PCDHGA12: variants seen among roughly 807,000 people sequenced by gnomAD.
PCDHGA12 encodes protocadherin gamma-A12.
PCDHGA12 carries 43 observed loss-of-function variants against 61.1 expected under a neutral mutation model. That is an observed-to-expected ratio of 0.70 (90% confidence interval 0.55 to 0.91). PCDHGA12 has a LOEUF of 0.91. Among genes scored for constraint, PCDHGA12 ranks in the 40% least tolerant of loss-of-function variants. PCDHGA12 has a pLI of 0.00. For missense variants in PCDHGA12, 1,236 were observed against 1,227.7 expected (o/e 1.01, Z -0.10); for synonymous variants, 520 against 542.9 (o/e 0.96, Z 0.59).
intron 1 of PCDHGA12, among the ~76,000 whole-genome samples, chr5:141,447,993 T>A (rs2098557542): frequency 6.6e-6 from 1 of 151,554 alleles, no homozygotes; most frequent in Non-Finnish European, 1.5e-5. Context: ...GGCTGAGGCA[T>A]GAGAATCGCT....
intron 1 of PCDHGA12, among the ~76,000 whole-genome samples, chr5:141,465,396 C>A (rs2099102528): frequency 6.6e-6 from 1 of 152,054 alleles, no homozygotes; most frequent in Admixed American, 6.6e-5. Context: ...AAAAACAAGT[C>A]AGAAGAAGCC....
At chr5:141,469,142 G>A (rs1473440049) in intron 1 of PCDHGA12, among the ~76,000 whole-genome samples, 3 of 152,024 alleles carry the variant, frequency 2.0e-5, no homozygotes, top group East Asian at 1.9e-4. Flanking sequence ...CAGAAATGGT[G>A]GCACATGTCT....
chr5:141,474,289 T>C (rs11956411), intron 1 of PCDHGA12, among the ~76,000 whole-genome samples: 31,178 of 152,120 alleles, frequency 0.2, 3,304 homozygotes, highest in Admixed American at 0.31. Context: ...ACCCACTAGA[T>C]CAGTGCTTGT....
rs758139838 is a variant in PCDHGA12, at chr5:141,431,419, G to C, written c.660G>C (p.Pro220=). The C allele has an allele frequency of 1.5e-5, 25 of 1,613,700 alleles. No individual in the cohort carries two copies. The highest frequency in any genetic ancestry group is 2.0e-5 in the Non-Finnish European group (24 of 1,180,046). The change falls in exon 1 of 4, where the codon CCG becomes CCC. Residue 220 remains proline (P), a synonymous_variant. Coordinates refer to ENST00000252085, the MANE Select transcript of PCDHGA12 (RefSeq NM_003735.3). This position sits in a 1 kb window ranked among gnomAD's most constrained non-coding sequence, Gnocchi z 4.8. ...TTACGGCCTCCGACGGGGGCGACCC[G>C]GTGCGCACAGGCACCGCGCGCATCC... is the stretch of plus-strand genomic sequence containing the variant. ...LVLTASDGGD[P]VRTGTARIRV...
chr5:141,501,290 T>TACACAC lies in PCDHGA12; in HGVS notation c.2484-4064_2484-4059dup, dbSNP rs55762287. Among the ~76,000 whole-genome samples the TACACAC allele has an allele frequency of 5.7e-3, 774 of 136,224 alleles. 5 individuals are homozygous for TACACAC. The highest frequency in any genetic ancestry group is 9.9e-3 in the African/African-American group (361 of 36,504). The allele number at this position is 136,224 out of a possible 152,430, so 89.4% of individuals were successfully genotyped here. A position where few individuals can be genotyped will look rare whatever the true frequency, so the allele number is the denominator to read the frequency against. ...GTCCAGTCTATGGGATATTCCCTTA[T>TACACAC]ACACACACACACACACACACACACA... On this transcript the variant is annotated intron_variant, in intron 2 of 3. Transcript: ENST00000252085.
Position 141,490,732 on chromosome 5 carries a change from G to A in PCDHGA12, c.2425-4075G>A, listed in dbSNP as rs775388969. 6.2e-6 allele frequency: 10 copies of A among 1,614,188 alleles called. No homozygotes were observed. The highest frequency in any genetic ancestry group is 8.5e-6 in the Non-Finnish European group (10 of 1,180,042). ...CACCTACTCCATTGTAGGAAATCAG[G>A]TTCAGGGAGCCCCAGCCTCCTCCTT... On this transcript the variant is annotated intron_variant, in intron 1 of 3. Transcript: ENST00000252085. This position sits in a 1 kb window ranked among gnomAD's most constrained non-coding sequence, Gnocchi z 5.4.
At chr5:141,442,205 A>G (rs2098308049) in intron 1 of PCDHGA12, 1 of 153,214 alleles carries the variant, frequency 6.5e-6, no homozygotes, top group Admixed American at 6.5e-5. Context: ...ATATCTGGTG[A>G]TTGCCTTAGC....
At chr5:141,499,300 C>G (rs2154592463) in intron 2 of PCDHGA12, among the ~76,000 whole-genome samples, 1 of 152,292 alleles carries the variant, frequency 6.6e-6, no homozygotes, top group South Asian at 2.1e-4. Context: ...ACTACCATCC[C>G]TCCTCTGAGA....
Position 141,485,428 on chromosome 5 carries a change from C to T in PCDHGA12, c.2425-9379C>T, listed in dbSNP as rs2099613200. Reference sequence around the variant, plus strand: ...TGGATTTGGACAGCGGAGCCCTGCTCATCAAGAACCCAATCGACCGAGAGG... The same window carrying T: ...TGGATTTGGACAGCGGAGCCCTGCTTATCAAGAACCCAATCGACCGAGAGG... On this transcript the variant is annotated intron_variant, in intron 1 of 3. Transcript: ENST00000252085. The surrounding 1 kb of genome is among the most constrained non-coding windows in gnomAD (Gnocchi z 5.7). The T allele has an allele frequency of 2.5e-6, 4 of 1,614,160 alleles. No homozygotes were observed. The highest frequency in any genetic ancestry group is 3.4e-6 in the Non-Finnish European group (4 of 1,180,022).
At position 141,512,523 on chromosome 5, in the gene PCDHGA12, T is replaced by A. The variant is rs1222752176; in HGVS notation, c.*1350T>A. 6.5e-6 allele frequency: 1 copy of A among 152,848 alleles called. No homozygotes were observed. The highest frequency in any genetic ancestry group is 1.5e-5 in the Non-Finnish European group (1 of 68,240). 9.5% of individuals were successfully genotyped at this position (152,848 alleles called of 1,614,324 possible). A position where few individuals can be genotyped will look rare whatever the true frequency, so the allele number is the denominator to read the frequency against. The stretch of plus-strand genomic sequence containing the variant: ...AGTGCGCCCCCTAGTGGCCATAGCC[T>A]GGTTAAAGTTCCCCAGTGCCTCCTT... On this transcript the variant is annotated 3_prime_UTR_variant, in exon 4 of 4. Transcript: ENST00000252085.
At chr5:141,503,679 G>A (rs562303239) in intron 2 of PCDHGA12, among the ~76,000 whole-genome samples, 1 of 152,054 alleles carries the variant, frequency 6.6e-6, no homozygotes, top group East Asian at 1.9e-4. Context: ...CCACTTTTGG[G>A]AAGGAGAATT....
At chr5:141,492,241 C>T (rs1351937353) in intron 1 of PCDHGA12, among the ~76,000 whole-genome samples, 1 of 152,186 alleles carries the variant, frequency 6.6e-6, no homozygotes, top group African/African-American at 2.4e-5. Flanking sequence ...TGCTGGCCAC[C>T]CCCACGGCCC....
chr5:141,464,053 T>C (rs111614367), intron 1 of PCDHGA12, among the ~76,000 whole-genome samples: 9,857 of 152,054 alleles, frequency 0.065, 668 homozygotes, highest in African/African-American at 0.17. Flanking sequence ...TCACCTGAGG[T>C]CAGGAGTTCA....
rs778684539 is a variant in PCDHGA12 at position 141,477,205 on chromosome 5, G to A, written c.2425-17602G>A. ...CCTCCGTGTACAGCCCAGTACCCGA[G>A]GATGCCCCTCTGGGGACTGTCATCG... On this transcript the variant is annotated intron_variant, in intron 1 of 3. Transcript: ENST00000252085. The surrounding 1 kb of genome is among the most constrained non-coding windows in gnomAD (Gnocchi z 4.9). 1 of 1,614,184 alleles carries A rather than the reference G, an allele frequency of 6.2e-7. No homozygotes were observed. The highest frequency in any genetic ancestry group is 8.5e-7 in the Non-Finnish European group (1 of 1,180,042).
At position 141,431,569 on chromosome 5, in the gene PCDHGA12, CGAA is replaced by C. The variant is rs780392922; in HGVS notation, c.812_814del (p.Glu271del). The C allele has an allele frequency of 1.9e-6, 3 of 1,614,000 alleles. No homozygotes were observed. The highest frequency in any genetic ancestry group is 2.7e-5 in the African/African-American group (2 of 74,932). ...TTGTAGTCAACGCTACCGACCCTGA[CGAA>C]GGAGTCAATGCGGAAGTGAGGTATT... On this transcript the variant is annotated inframe_deletion, in exon 1 of 4. Transcript: ENST00000252085. This position sits in a 1 kb window ranked among gnomAD's most constrained non-coding sequence, Gnocchi z 4.8.
chr5:141,485,093 T>C lies in PCDHGA12; in HGVS notation c.2425-9714T>C. 1 of 1,076,296 alleles carries C rather than the reference T, an allele frequency of 9.3e-7. No homozygotes were observed. Among genetic ancestry groups the C allele is most frequent in the Non-Finnish European group, 1.4e-6 (1 of 718,118 alleles). 66.7% of individuals were successfully genotyped at this position (1,076,296 alleles called of 1,614,324 possible). ...TGGCGCGGGGAAAGGGAGATAGGTG[T>C]CTCCAGCTGCTGTGGCTGTTTGGGG... On this transcript the variant is annotated intron_variant, in intron 1 of 3. Coordinates refer to ENST00000252085, the MANE Select transcript of PCDHGA12 (RefSeq NM_003735.3). The surrounding 1 kb of genome is among the most constrained non-coding windows in gnomAD (Gnocchi z 5.7).
In PCDHGA12 at chr5:141,487,954, T is replaced by C. The variant is rs2099669751; in HGVS notation, c.2425-6853T>C. On this transcript the variant is annotated intron_variant, in intron 1 of 3. Transcript: ENST00000252085. The surrounding 1 kb of genome is among the most constrained non-coding windows in gnomAD (Gnocchi z 5.0). ...GGGTACAGTGCACCAGGCAGTCACTTGGACAAAGGTGGCTGTTTTCTCTAC... is the reference window on the plus strand; with the variant it reads ...GGGTACAGTGCACCAGGCAGTCACTCGGACAAAGGTGGCTGTTTTCTCTAC... Among the ~76,000 whole-genome samples the C allele has an allele frequency of 6.6e-6, 1 of 152,182 alleles. No homozygotes were observed. The highest frequency in any genetic ancestry group is 1.5e-5 in the Non-Finnish European group (1 of 68,020).
At chr5:141,495,446 C>A (rs1165861519) in intron 2 of PCDHGA12, among the ~76,000 whole-genome samples, 1 of 152,220 alleles carries the variant, frequency 6.6e-6, no homozygotes, top group African/African-American at 2.4e-5. Flanking sequence ...CCCTACTTGT[C>A]CTGCTCTCTG....
chr5:141,448,784 C>CA (rs576464275), intron 1 of PCDHGA12, among the ~76,000 whole-genome samples: 7,532 of 145,718 alleles, frequency 0.052, 302 homozygotes, highest in African/African-American at 0.11. Flanking sequence ...ACTAAAAATA[C>CA]AAAAAAAAAA....
Sources: gnomAD v4.1 joint callset for allele counts (sites outside exome capture counted in the v4.1 genomes callset) on GRCh38, gnomAD v4.1.1 for gene constraint, Gnocchi (gnomAD v3.1) non-coding constraint, MANE v1.5 for transcripts, NCBI Gene and HGNC (gene_info 2026-07-23, HGNC 2026-07-21) for gene names.